IL1RN: variants seen among roughly 807,000 people sequenced by gnomAD.
IL1RN encodes interleukin-1 receptor antagonist protein.
In IL1RN, 10 loss-of-function variants were observed where a neutral mutation model predicts 13.7. The ratio of observed to expected loss-of-function variants is 0.73; its 90% CI spans 0.45 to 1.24. The LOEUF (loss-of-function observed/expected upper bound fraction) is 1.24, where lower values mean the gene tolerates loss of function less well. Among genes scored for constraint, IL1RN ranks in the 50% most tolerant of loss-of-function variants. The probability of loss-of-function intolerance (pLI) is 0.00; values close to 1 mark genes in which losing one functional copy is unlikely to be tolerated. For synonymous variants in IL1RN, 102 were observed against 82.7 expected, an observed-to-expected ratio of 1.23 and a Z score of -1.27; for missense variants, 213 against 222.1, an observed-to-expected ratio of 0.96 and a Z score of 0.26.
At chr2:113,099,729 T>TTTTTTTTTG in the IL1RN span, among the ~76,000 whole-genome samples, 1 of 42,004 alleles carries the variant, frequency 2.4e-5, no homozygotes, top group African/African-American at 1.1e-4. Context: ...CTTTCTTTTC[T>TTTTTTTTTG]TTTTTTTTTT....
chr2:113,129,276 G>A (rs549776522), intron 1 of IL1RN, among the ~76,000 whole-genome samples: 21 of 152,266 alleles, frequency 1.4e-4, no homozygotes, highest in Non-Finnish European at 2.6e-4. Context: ...GGATGTTGCT[G>A]CTCTACAGCA....
At chr2:113,125,400 G>A (rs1378886063), upstream of IL1RN, among the ~76,000 whole-genome samples, 3 of 152,142 alleles carry the variant, frequency 2.0e-5, no homozygotes, top group Non-Finnish European at 2.9e-5. Context: ...TTTCTTGAAC[G>A]TGTTTCAAAA....
chr2:113,130,351 T>G (rs890475254), intron 2 of IL1RN, among the ~76,000 whole-genome samples: 10 of 152,212 alleles, frequency 6.6e-5, no homozygotes, highest in Admixed American at 5.2e-4. Context: ...CTGGTAGTTC[T>G]CCTAATGAAC....
chr2:113,100,833 T>G, the IL1RN span, among the ~76,000 whole-genome samples: 1 of 152,206 alleles, frequency 6.6e-6, no homozygotes, highest in African/African-American at 2.4e-5. Flanking sequence ...AGACTGCCAG[T>G]GGATGGGCGA....
chr2:113,109,455 T>A (rs1397502607), upstream of IL1RN, among the ~76,000 whole-genome samples: 3 of 142,266 alleles, frequency 2.1e-5, no homozygotes, highest in East Asian at 2.0e-4. Flanking sequence ...CAAATCCAAA[T>A]ACATTAAAGA....
rs55860727 is a variant in IL1RN at position 113,127,692 on chromosome 2, C to T, written c.68C>T (p.Thr23Met). The T allele has an allele frequency of 7.5e-5, 121 of 1,614,134 alleles. No individual in the cohort carries two copies. Among genetic ancestry groups the T allele is most frequent in the South Asian group, 3.3e-4 (30 of 91,084 alleles). The change falls in exon 1 of 4, where the codon ACG (threonine) becomes ATG (methionine). Residue 23 changes from threonine to methionine, a missense_variant. Physicochemically the swap from Thr to Met is moderately conservative, Grantham distance 81. Transcript: ENST00000409930. ...TLLLFLFHSETICRPSGRKSS... is the reference protein window; with the variant it reads ...TLLLFLFHSEMICRPSGRKSS... ...CTCCTCTTCCTGTTCCATTCAGAGA[C>T]GATCTGCCGACCCTCTGGGAGAAAA...
chr2:113,111,657 G>A (rs1186122775), intron 1 of IL1RN, among the ~76,000 whole-genome samples: 1 of 152,214 alleles, frequency 6.6e-6, no homozygotes, highest in African/African-American at 2.4e-5. Flanking sequence ...ACCTCCTGGC[G>A]AATGGACTGA....
upstream of IL1RN, among the ~76,000 whole-genome samples, chr2:113,102,537 C>T (rs1303613473): frequency 2.6e-5 from 4 of 152,134 alleles, no homozygotes; most frequent in African/African-American, 2.4e-5. Context: ...GTGTCACGTG[C>T]GTCTGTGTGA....
chr2:113,115,228 A>T (rs943908020), upstream of IL1RN, among the ~76,000 whole-genome samples: 2 of 151,988 alleles, frequency 1.3e-5, no homozygotes, highest in African/African-American at 2.4e-5. Context: ...AGCAGGATGC[A>T]CCTCTCCCCT....
chr2:113,099,627 G>T, the IL1RN span, among the ~76,000 whole-genome samples: 4 of 151,594 alleles, frequency 2.6e-5, no homozygotes, highest in South Asian at 2.1e-4. Flanking sequence ...AAAAGTTCAC[G>T]ATGTGGGTCT....
At chr2:113,112,251 G>A (rs908590612) in intron 1 of IL1RN, among the ~76,000 whole-genome samples, 16 of 152,192 alleles carry the variant, frequency 1.1e-4, no homozygotes, top group Admixed American at 9.8e-4. Flanking sequence ...CCCAGCCACC[G>A]TGTTACATGC....
chr2:113,109,553 A>G (rs1314656411), upstream of IL1RN, among the ~76,000 whole-genome samples: 1 of 152,212 alleles, frequency 6.6e-6, no homozygotes, highest in African/African-American at 2.4e-5. Flanking sequence ...TATTTCCAGG[A>G]CACAGTCCTA....
chr2:113,114,983 G>A (rs1686566327), upstream of IL1RN, among the ~76,000 whole-genome samples: 1 of 152,112 alleles, frequency 6.6e-6, no homozygotes, highest in Admixed American at 6.5e-5. Flanking sequence ...AGGAGTTCAG[G>A]GAACAAGAGG....
chr2:113,107,731 AAAACC>A (rs779447893), upstream of IL1RN, among the ~76,000 whole-genome samples: 5 of 152,150 alleles, frequency 3.3e-5, no homozygotes, highest in Admixed American at 6.5e-5. Context: ...AGACTGCCTC[AAAACC>A]AAACCAAACC....
In IL1RN at chr2:113,133,270, C is replaced by T. The variant is rs1687239591; in HGVS notation, c.*399C>T. 6.9e-6 allele frequency: 2 copies of T among 290,328 alleles called. No homozygotes were observed. The highest frequency in any genetic ancestry group is 4.3e-5 in the African/African-American group (2 of 46,396). 18.0% of individuals were successfully genotyped at this position (290,328 alleles called of 1,614,324 possible). ...ACCCCCAACCAAGTGGCTCCCACACCCTGTTTTACAAAAAAGAAAAGACCA... is the reference window on the plus strand; with the variant it reads ...ACCCCCAACCAAGTGGCTCCCACACTCTGTTTTACAAAAAAGAAAAGACCA... On this transcript the variant is annotated 3_prime_UTR_variant, in exon 4 of 4. Coordinates refer to ENST00000409930, the MANE Select transcript of IL1RN (RefSeq NM_173842.3).
chr2:113,116,514 C>T (rs939168955), upstream of IL1RN, among the ~76,000 whole-genome samples: 53 of 152,102 alleles, frequency 3.5e-4, no homozygotes, highest in Admixed American at 5.9e-4. Flanking sequence ...GGGGGGCTTT[C>T]CTGTGGCCGG....
upstream of IL1RN, among the ~76,000 whole-genome samples, chr2:113,113,836 C>T (rs1362259499): frequency 6.6e-6 from 1 of 152,210 alleles, no homozygotes; most frequent in African/African-American, 2.4e-5. Flanking sequence ...GACAAAACCT[C>T]ACACATGCAT....
At chr2:113,101,024 C>T in the IL1RN span, among the ~76,000 whole-genome samples, 4,507 of 152,192 alleles carry the variant, frequency 0.03, 102 homozygotes, top group Non-Finnish European at 0.043. Context: ...TGAATTCCAG[C>T]TTATATAGTG....
upstream of IL1RN, among the ~76,000 whole-genome samples, chr2:113,107,569 C>CAAAAA (rs33981313): frequency 1.6e-4 from 23 of 143,182 alleles, no homozygotes; most frequent in African/African-American, 5.9e-4. Flanking sequence ...ACTAAAAATA[C>CAAAAA]AAAAAAAAAA....
Sources: allele counts gnomAD v4.1 joint callset (sites outside exome capture counted in the v4.1 genomes callset), GRCh38; gene constraint gnomAD v4.1.1; transcripts MANE v1.5; gene names NCBI Gene and HGNC (gene_info 2026-07-23, HGNC 2026-07-21).